KCNH7: variants seen among roughly 807,000 people sequenced by gnomAD.
KCNH7 encodes potassium voltage-gated channel subfamily H member 7.
In KCNH7, 49 loss-of-function variants were observed where a neutral mutation model predicts 120.8. That is an observed-to-expected ratio of 0.41 (90% CI 0.32 to 0.51). The LOEUF (loss-of-function observed/expected upper bound fraction) is 0.51, where lower values mean the gene tolerates loss of function less well. Ranked by LOEUF, KCNH7 falls within the 20% of genes least tolerant of loss-of-function variation. KCNH7 has a pLI of 0.38. For synonymous variants in KCNH7, 547 were observed against 516.1 expected (o/e 1.06, Z -0.81); for missense variants, 1,097 against 1,446.6 (o/e 0.76, Z 3.92).
chr2:162,479,300 T>A (rs1334257321), intron 6 of KCNH7, among the ~76,000 whole-genome samples: 1 of 152,002 alleles, frequency 6.6e-6, no homozygotes, highest in Non-Finnish European at 1.5e-5. Context: ...TACCCTTGTG[T>A]ATTGATGAAA....
intron 2 of KCNH7, among the ~76,000 whole-genome samples, chr2:162,722,813 C>CTTTTTTCTTTTT (rs1687368192): frequency 1.2e-5 from 1 of 85,110 alleles, no homozygotes; most frequent in Non-Finnish European, 2.1e-5. Flanking sequence ...TTCTTTTTTT[C>CTTTTTTCTTTTT]TTTTTTTTTT....
chr2:162,455,410 T>C (rs906778297), intron 6 of KCNH7, among the ~76,000 whole-genome samples: 11 of 152,104 alleles, frequency 7.2e-5, no homozygotes, highest in Admixed American at 2.0e-4. Context: ...TTTTTGTGTG[T>C]ATGTCTGCTG....
intron 7 of KCNH7, among the ~76,000 whole-genome samples, chr2:162,442,675 T>A (rs560136471): frequency 1.4e-4 from 21 of 152,030 alleles, no homozygotes; most frequent in African/African-American, 4.8e-4. Flanking sequence ...CTGGACAACA[T>A]AGTGAAACTC....
intron 6 of KCNH7, among the ~76,000 whole-genome samples, chr2:162,482,471 C>T (rs1689961458): frequency 6.6e-6 from 1 of 152,044 alleles, no homozygotes; most frequent in Non-Finnish European, 1.5e-5. Context: ...GGAAGATAAA[C>T]AGCTGATTCC....
At chr2:162,734,433 T>G (rs898335419) in intron 2 of KCNH7, among the ~76,000 whole-genome samples, 16 of 152,198 alleles carry the variant, frequency 1.1e-4, no homozygotes, top group Non-Finnish European at 1.2e-4. Context: ...TTATGTAATG[T>G]CTTCATCTGC....
intron 6 of KCNH7, among the ~76,000 whole-genome samples, chr2:162,468,088 G>GT (rs1300082675): frequency 6.6e-6 from 1 of 152,094 alleles, no homozygotes; most frequent in East Asian, 1.9e-4. Context: ...GAGTGTTCAG[G>GT]TTTTTTTAAT....
chr2:162,495,716 A>G (rs1690474663), intron 6 of KCNH7, among the ~76,000 whole-genome samples: 1 of 152,192 alleles, frequency 6.6e-6, no homozygotes, highest in African/African-American at 2.4e-5. Flanking sequence ...ATTTTAGACT[A>G]ATCCTGCTTA....
At chr2:162,736,479 G>A (rs1232755857) in intron 2 of KCNH7, among the ~76,000 whole-genome samples, 1 of 152,152 alleles carries the variant, frequency 6.6e-6, no homozygotes, top group Non-Finnish European at 1.5e-5. Flanking sequence ...AGAAATGACT[G>A]AAGGTGATTT....
intron 7 of KCNH7, among the ~76,000 whole-genome samples, chr2:162,438,733 G>C (rs2105531481): frequency 6.6e-6 from 1 of 152,244 alleles, no homozygotes; most frequent in South Asian, 2.1e-4. Context: ...TCAAATTGCG[G>C]CTAACACATC....
intron 8 of KCNH7, among the ~76,000 whole-genome samples, chr2:162,430,159 C>T (rs962449125): frequency 4.0e-5 from 6 of 151,870 alleles, no homozygotes; most frequent in East Asian, 1.9e-4. Flanking sequence ...AGCCCTAGTA[C>T]GACAGCACTA....
intron 2 of KCNH7, among the ~76,000 whole-genome samples, chr2:162,720,531 A>G (rs1033208004): frequency 6.6e-6 from 1 of 152,098 alleles, no homozygotes; most frequent in African/African-American, 2.4e-5. Flanking sequence ...CAGGTTTACT[A>G]TGACTTTTAC....
At chr2:162,557,584 C>T (rs1326736386) in intron 2 of KCNH7, among the ~76,000 whole-genome samples, 1 of 152,142 alleles carries the variant, frequency 6.6e-6, no homozygotes, top group Non-Finnish European at 1.5e-5. Flanking sequence ...TAAAAAGCAA[C>T]TTTCCCCTAG....
At chr2:162,755,376 G>A (rs1688754248) in intron 2 of KCNH7, among the ~76,000 whole-genome samples, 1 of 152,136 alleles carries the variant, frequency 6.6e-6, no homozygotes, top group Non-Finnish European at 1.5e-5. Flanking sequence ...GGAGGCTGAG[G>A]CAGGAAAATC....
chr2:162,402,964 T>C (rs953322370), intron 9 of KCNH7, among the ~76,000 whole-genome samples: 2 of 151,996 alleles, frequency 1.3e-5, no homozygotes, highest in African/African-American at 4.8e-5. Flanking sequence ...AGCTCCATCA[T>C]TTACTAGTTT....
intron 2 of KCNH7, among the ~76,000 whole-genome samples, chr2:162,826,978 G>A (rs1178544194): frequency 6.6e-6 from 1 of 152,028 alleles, no homozygotes; most frequent in Non-Finnish European, 1.5e-5. Flanking sequence ...AGTTGATGAA[G>A]GGTTCAGGGA....
At chr2:162,555,625 T>C (rs1692826788) in intron 2 of KCNH7, among the ~76,000 whole-genome samples, 1 of 152,172 alleles carries the variant, frequency 6.6e-6, no homozygotes, top group Non-Finnish European at 1.5e-5. Context: ...AGTATTAATG[T>C]AGACACTCAA....
chr2:162,392,614 G>T (rs1686777070), intron 12 of KCNH7, among the ~76,000 whole-genome samples: 1 of 151,944 alleles, frequency 6.6e-6, no homozygotes, highest in Non-Finnish European at 1.5e-5. Flanking sequence ...AAACTACAGG[G>T]GGCCAAATAT....
Position 162,448,266 on chromosome 2 carries a change from A to G in KCNH7, c.1129-1823T>C, listed in dbSNP as rs77826896. On this transcript the variant is annotated intron_variant, in intron 6 of 15. Coordinates refer to ENST00000332142, the MANE Select transcript of KCNH7 (RefSeq NM_033272.4). ...TTAGTATAGAGAACCAGTGTGTGAC[A>G]TTTTGGTCTGTACAAAAGGAAATAT... Among the ~76,000 whole-genome samples the G allele has an allele frequency of 4.6e-5, 7 of 152,180 alleles. No homozygotes were observed. The East Asian group carries it at 1.4e-3, about 29-fold the overall frequency.
intron 2 of KCNH7, among the ~76,000 whole-genome samples, chr2:162,732,171 C>T (rs1005062745): frequency 9.2e-5 from 14 of 151,958 alleles, no homozygotes; most frequent in Non-Finnish European, 1.8e-4. Context: ...AGAGGGACTA[C>T]GTGTGAAGAG....
Sources: allele counts gnomAD v4.1 joint callset (sites outside exome capture counted in the v4.1 genomes callset), GRCh38; gene constraint gnomAD v4.1.1; transcripts MANE v1.5; gene names NCBI Gene and HGNC (gene_info 2026-07-23, HGNC 2026-07-21).